HEG1: variants seen among roughly 807,000 people sequenced by gnomAD.
The protein encoded by HEG1 is heart development protein with EGF like domains 1.
A neutral mutation model predicts 125.6 loss-of-function variants in HEG1; 56 were observed. The observed-to-expected ratio is 0.45, with a 90% confidence interval of 0.36 to 0.56. HEG1 has a LOEUF of 0.56. Ranked by LOEUF, HEG1 falls within the 20% of genes least tolerant of loss-of-function variation. The pLI is 0.00. For missense variants in HEG1, 1,523 were observed against 1,670.0 expected (o/e 0.91, Z 1.53); for synonymous variants, 644 against 668.5 (o/e 0.96, Z 0.57).
chr3:124,986,653 T>C (rs1936745129), intron 14 of HEG1, among the ~76,000 whole-genome samples: 1 of 152,170 alleles, frequency 6.6e-6, no homozygotes, highest in African/African-American at 2.4e-5. Context: ...AAACTAAAGA[T>C]AGGCGGCCGG....
In HEG1 at chr3:125,012,766, C is replaced by A; in HGVS notation, c.2813G>T (p.Ser938Ile). 1 of 1,614,032 alleles carries A rather than the reference C, an allele frequency of 6.2e-7. No homozygotes were observed. ...TGTTCCGAGGGAACGTGAAGCTGGG[C>A]TGTACTCTGCTGTAACGCCAAGCTT... is the stretch of plus-strand genomic sequence containing the variant. Reference protein sequence around the residue: ...TTKLGVTAEYSPASRSLGTSP... With the variant: ...TTKLGVTAEYIPASRSLGTSP... Residue 938 changes from serine to isoleucine, a missense_variant, in exon 6 of 17, where the codon AGC becomes ATC. Transcript: ENST00000311127.
Position 125,010,484 on chromosome 3 carries a change from G to A in HEG1, c.3028C>T (p.His1010Tyr), listed in dbSNP as rs1053473933. The A allele has an allele frequency of 3.2e-6, 5 of 1,560,276 alleles. No individual in the cohort carries two copies. In the East Asian group the frequency reaches 7.2e-5, roughly 22 times the overall value. The change falls in exon 7 of 17, where the codon CAC becomes TAC. Residue 1010 changes from histidine (H) to tyrosine (Y), a missense_variant. Physicochemically the swap from His to Tyr is moderately conservative, Grantham distance 83. Coordinates refer to ENST00000311127, the MANE Select transcript of HEG1 (RefSeq NM_020733.2). ...CVADNTSRGYHCRCPPSWQGD... is the reference protein window; with the variant it reads ...CVADNTSRGYYCRCPPSWQGD... Reference sequence around the variant, plus strand: ...TGCCAGGAAGGCGGGCACCTGCAGTGGTAGCCACGGCTGGTGTTGTCTGCG... The same window carrying A: ...TGCCAGGAAGGCGGGCACCTGCAGTAGTAGCCACGGCTGGTGTTGTCTGCG...
At chr3:124,990,910 T>C (rs377032257) in intron 13 of HEG1, 34 bp downstream of exon 13, 51 of 1,554,152 alleles carry the variant, frequency 3.3e-5, no homozygotes, top group Non-Finnish European at 4.4e-5. Flanking sequence ...ATAAGATTTG[T>C]AACAAAATTA....
intron 1 of HEG1, among the ~76,000 whole-genome samples, chr3:125,042,177 C>T (rs1284692809): frequency 2.6e-5 from 4 of 152,192 alleles, no homozygotes; most frequent in Non-Finnish European, 4.4e-5. Flanking sequence ...CCTGTAATCC[C>T]AGCAATTTGG....
intron 15 of HEG1, among the ~76,000 whole-genome samples, chr3:124,976,500 T>A (rs537589907): frequency 1.3e-5 from 2 of 150,688 alleles, no homozygotes; most frequent in South Asian, 4.2e-4. Flanking sequence ...ATTTTCTATT[T>A]TTTTTTTTTT....
intron 3 of HEG1, among the ~76,000 whole-genome samples, chr3:125,026,776 G>T (rs1033329379): frequency 6.6e-6 from 1 of 152,064 alleles, no homozygotes; most frequent in Non-Finnish European, 1.5e-5. Context: ...AAGGTGAGTG[G>T]ATCGCCTGAG....
At chr3:125,010,377 T>A in intron 7 of HEG1, 62 bp downstream of exon 7, 5 of 992,940 alleles carry the variant, frequency 5.0e-6, no homozygotes, top group South Asian at 1.6e-5. Flanking sequence ...GAAAAAGGAG[T>A]TTATTGGGTA....
rs1936345859 is a variant in HEG1 at position 124,967,861 on chromosome 3, G to A, written c.*2791C>T. On this transcript the variant is annotated 3_prime_UTR_variant, in exon 17 of 17. Transcript: ENST00000311127. ...TCCAGGGCCTTAGGCTGGCTCAAGG[G>A]GCAGAGGAAAAGACAATGGCAATAA... is the stretch of plus-strand genomic sequence containing the variant. 6.6e-6 allele frequency: 1 copy of A among 152,188 alleles called. No individual in the cohort carries two copies. The allele number at this position is 152,188 out of a possible 1,614,324, so 9.4% of individuals were successfully genotyped here. A position where few individuals can be genotyped will look rare whatever the true frequency, so the allele number is the denominator to read the frequency against.
chr3:125,014,921 G>T (rs1457265353), intron 5 of HEG1: 2 of 1,289,798 alleles, frequency 1.6e-6, no homozygotes, highest in Admixed American at 2.3e-5. Flanking sequence ...CCAAGGTGTG[G>T]GTGCCGAGAG....
At chr3:124,991,128 A>C (rs934185903) in intron 12 of HEG1, 142 bp from the exon 13 acceptor site, 7 of 654,328 alleles carry the variant, frequency 1.1e-5, no homozygotes, top group Non-Finnish European at 1.9e-5. Context: ...ATCCTCACTT[A>C]AATACTGTTG....
intron 12 of HEG1, among the ~76,000 whole-genome samples, chr3:124,996,375 C>T (rs769148376): frequency 2.6e-5 from 4 of 152,090 alleles, no homozygotes; most frequent in East Asian, 1.9e-4. Context: ...TGAGTCACCA[C>T]GCCCGGCTCA....
At chr3:125,000,029 G>A (rs1310342862) in intron 11 of HEG1, among the ~76,000 whole-genome samples, 2 of 152,148 alleles carry the variant, frequency 1.3e-5, no homozygotes, top group Non-Finnish European at 2.9e-5. Flanking sequence ...AAGCTGTCAA[G>A]GCCACCTCTC....
intron 3 of HEG1, among the ~76,000 whole-genome samples, chr3:125,021,725 C>T (rs1937338038): frequency 6.6e-6 from 1 of 152,200 alleles, no homozygotes; most frequent in South Asian, 2.1e-4. Flanking sequence ...TCATGGCCAC[C>T]ATAAGCCCTA....
At chr3:124,990,699 G>T in intron 14 of HEG1, 88 bp downstream of exon 14, 1 of 1,266,020 alleles carries the variant, frequency 7.9e-7, no homozygotes, top group Non-Finnish European at 1.1e-6. Flanking sequence ...GGTGTGAACT[G>T]AGGGAAGTGG....
chr3:125,055,510 G>C, intron 1 of HEG1, 65 bp downstream of exon 1: 1 of 1,078,864 alleles, frequency 9.3e-7, no homozygotes, highest in Non-Finnish European at 1.1e-6. Context: ...TGGGGATGCA[G>C]CCCGGGGCGC....
At position 125,027,205 on chromosome 3, in the gene HEG1, A is replaced by G. The variant is rs2981546; in HGVS notation, c.913T>C (p.Ser305Pro). The change falls in exon 3 of 17, where the codon TCT (serine) becomes CCT (proline). Residue 305 changes from serine (S) to proline (P), a missense_variant and splice_region_variant. Physicochemically the swap from Ser to Pro is moderately conservative, Grantham distance 74. Coordinates refer to ENST00000311127, the MANE Select transcript of HEG1 (RefSeq NM_020733.2). ...ASSPLLDLSS[S>P]SESTEKLNNS... ...GTTAAGCTGGGTATGTGGCACTCAC[A>G]TGAGGAAAGGTCTAAGAGAGGAGAG... The G allele has an allele frequency of 0.51, 809,538 of 1,587,054 alleles. 208,486 individuals are homozygous for G. The highest frequency in any genetic ancestry group is 0.59 in the South Asian group (50,946 of 86,212).
intron 9 of HEG1, among the ~76,000 whole-genome samples, chr3:125,004,717 A>G (rs944498787): frequency 3.8e-5 from 4 of 106,038 alleles, no homozygotes; most frequent in South Asian, 5.2e-4. Context: ...ATTTTTCTTT[A>G]AAAAAAAAAA....
intron 1 of HEG1, among the ~76,000 whole-genome samples, chr3:125,044,537 C>T (rs972027646): frequency 1.3e-5 from 2 of 152,216 alleles, no homozygotes; most frequent in African/African-American, 4.8e-5. Context: ...ATCCTCACGA[C>T]AGCCTTATGA....
At chr3:125,021,833 CA>C (rs1440606660) in intron 3 of HEG1, among the ~76,000 whole-genome samples, 1 of 152,180 alleles carries the variant, frequency 6.6e-6, no homozygotes, top group African/African-American at 2.4e-5. Context: ...TAATTCCACC[CA>C]AAAGCAAACA....
Sources: allele counts gnomAD v4.1 joint callset (sites outside exome capture counted in the v4.1 genomes callset), GRCh38; gene constraint gnomAD v4.1.1; transcripts MANE v1.5; gene names NCBI Gene and HGNC (gene_info 2026-07-23, HGNC 2026-07-21).